RALGAPA2: variants seen among roughly 807,000 people sequenced by gnomAD.
RALGAPA2 encodes the protein Ral GTPase activating protein catalytic subunit alpha 2, also known as ral GTPase-activating protein subunit alpha-2.
In RALGAPA2, 139 loss-of-function variants were observed where a neutral mutation model predicts 230.4. The observed-to-expected ratio is 0.60, with a 90% CI of 0.53 to 0.69. The LOEUF is 0.69. Among genes scored for constraint, RALGAPA2 ranks in the 30% least tolerant of loss-of-function variants. The pLI is 0.00. For missense variants in RALGAPA2, 2,163 were observed against 2,276.0 expected, an observed-to-expected ratio of 0.95 and a Z score of 1.01; for synonymous variants, 847 against 837.8, an observed-to-expected ratio of 1.01 and a Z score of -0.19.
chr20:20,531,845 C>T (rs755443454), intron 26 of RALGAPA2, 50 bp from the exon 27 acceptor site: 2 of 1,338,144 alleles, frequency 1.5e-6, no homozygotes, highest in South Asian at 1.3e-5. Flanking sequence ...ACTTAATATA[C>T]TTTCTCAGTA....
At chr20:20,590,842 T>C (rs1340667691) in intron 17 of RALGAPA2, among the ~76,000 whole-genome samples, 1 of 152,114 alleles carries the variant, frequency 6.6e-6, no homozygotes, top group Non-Finnish European at 1.5e-5. Flanking sequence ...CCTTCCATAA[T>C]ACCTAACTTG....
In RALGAPA2 at chr20:20,422,406, C is replaced by T. The variant is rs538324510; in HGVS notation, c.5496-10258G>A. Among the ~76,000 whole-genome samples the T allele has an allele frequency of 1.0e-3, 157 of 152,214 alleles. 1 individual carries two copies. Among genetic ancestry groups the T allele is most frequent in the Non-Finnish European group, 2.0e-3 (138 of 68,026 alleles). On this transcript the variant is annotated intron_variant, in intron 37 of 39. Coordinates refer to ENST00000202677, the MANE Select transcript of RALGAPA2 (RefSeq NM_020343.4). ...TTGGGGCCAGGAGTTTGAGACTAGC[C>T]TGGGCAACATAGTGAGACCCTGTCT... is the stretch of plus-strand genomic sequence containing the variant.
chr20:20,396,535 G>T (rs1476509469), intron 39 of RALGAPA2, among the ~76,000 whole-genome samples, 160 bp downstream of exon 39: 1 of 152,242 alleles, frequency 6.6e-6, no homozygotes, highest in Non-Finnish European at 1.5e-5. Flanking sequence ...GCGCAGACAT[G>T]CAGGGGCAGG....
Position 20,513,276 on chromosome 20 carries a change from T to A in RALGAPA2, c.4093A>T (p.Arg1365Ter). 1 of 1,460,740 alleles carries A rather than the reference T, an allele frequency of 6.8e-7. No individual in the cohort carries two copies. The highest frequency in any genetic ancestry group is 9.0e-7 in the Non-Finnish European group (1 of 1,106,326). The allele number at this position is 1,460,740 out of a possible 1,614,324, so 90.5% of individuals were successfully genotyped here. The change falls in exon 32 of 40, where the codon AGA becomes TGA. Residue 1365 changes from arginine (R) to a stop codon, truncating the protein, a stop_gained. Coordinates refer to ENST00000202677, the MANE Select transcript of RALGAPA2 (RefSeq NM_020343.4). LOFTEE classifies it high-confidence loss of function. ...NLLTVEEEKK[R>*]RSLELIPLTA... is the part of the protein sequence containing the mutation. ...AAAGGGATCAACTCCAAACTTCTTC[T>A]CTTCTTCTCTGTAAACAGCGGTAAA...
At chr20:20,535,684 ACTTACACATAAATGTGTAT>A in intron 26 of RALGAPA2, 42 bp downstream of exon 26, 1 of 1,516,176 alleles carries the variant, frequency 6.6e-7, no homozygotes, top group Non-Finnish European at 8.8e-7. Context: ...AACATTAACT[ACTTACACATAAATGTGTAT>A]CTTAAAATTC....
intron 36 of RALGAPA2, among the ~76,000 whole-genome samples, chr20:20,475,324 G>A (rs983605568): frequency 6.6e-6 from 1 of 151,900 alleles, no homozygotes; most frequent in Admixed American, 6.6e-5. Flanking sequence ...TAATTTTTTT[G>A]TAAATTAAAC....
At chr20:20,457,325 T>C (rs1461563095) in intron 37 of RALGAPA2, among the ~76,000 whole-genome samples, 1 of 152,224 alleles carries the variant, frequency 6.6e-6, no homozygotes, top group Non-Finnish European at 1.5e-5. Flanking sequence ...TCTTTACAAT[T>C]CACTGTTCTG....
intron 1 of RALGAPA2, among the ~76,000 whole-genome samples, chr20:20,703,736 G>A (rs1190607357): frequency 6.6e-6 from 1 of 152,104 alleles, no homozygotes; most frequent in African/African-American, 2.4e-5. Context: ...CTTTAACTCT[G>A]GAGTCATACC....
intron 11 of RALGAPA2, 95 bp from the exon 12 acceptor site, chr20:20,619,509 G>C: frequency 1.1e-6 from 1 of 942,276 alleles, no homozygotes. Context: ...TATAAACTAA[G>C]TTATATTTAG....
chr20:20,580,957 T>G (rs929504850), intron 20 of RALGAPA2, among the ~76,000 whole-genome samples: 1 of 152,228 alleles, frequency 6.6e-6, no homozygotes, highest in Non-Finnish European at 1.5e-5. Context: ...AGTTTTATTT[T>G]GAACATTTAT....
chr20:20,412,984 A>G (rs1242955789), intron 37 of RALGAPA2, among the ~76,000 whole-genome samples: 1 of 152,224 alleles, frequency 6.6e-6, no homozygotes, highest in Non-Finnish European at 1.5e-5. Flanking sequence ...CAATAACAGG[A>G]TAACGTCAGA....
intron 5 of RALGAPA2, among the ~76,000 whole-genome samples, chr20:20,641,822 C>T (rs1017445298): frequency 6.6e-6 from 1 of 151,928 alleles, no homozygotes; most frequent in Non-Finnish European, 1.5e-5. Flanking sequence ...GCAAGTCAAA[C>T]ACAAAGCTTT....
At chr20:20,458,824 A>C (rs2061221623) in intron 37 of RALGAPA2, among the ~76,000 whole-genome samples, 1 of 3,512 alleles carries the variant, frequency 2.8e-4, no homozygotes, top group South Asian at 0.018. Flanking sequence ...ATATAGACCT[A>C]TATATATATA....
intron 3 of RALGAPA2, among the ~76,000 whole-genome samples, chr20:20,668,405 A>AAAAAG (rs145886240): frequency 1.3e-5 from 2 of 152,184 alleles, no homozygotes; most frequent in African/African-American, 4.8e-5. Context: ...TGTGTCTCAA[A>AAAAAG]AAAAGAAAAG....
At chr20:20,622,017 A>G (rs2066339116) in intron 10 of RALGAPA2, among the ~76,000 whole-genome samples, 2 of 152,254 alleles carry the variant, frequency 1.3e-5, no homozygotes, top group Admixed American at 1.3e-4. Flanking sequence ...TTCATGCAAT[A>G]TATCAATATC....
At chr20:20,442,365 G>T (rs562006572) in intron 37 of RALGAPA2, among the ~76,000 whole-genome samples, 1 of 152,208 alleles carries the variant, frequency 6.6e-6, no homozygotes, top group Non-Finnish European at 1.5e-5. Flanking sequence ...TCTTCACTCC[G>T]CTCTCTGTCG....
chr20:20,534,076 T>C (rs576333268), intron 26 of RALGAPA2, among the ~76,000 whole-genome samples: 17 of 152,046 alleles, frequency 1.1e-4, no homozygotes, highest in African/African-American at 3.9e-4. Context: ...CAAGACTAAT[T>C]AAAAAATCAG....
At chr20:20,527,603 C>A (rs1032362912) in intron 27 of RALGAPA2, among the ~76,000 whole-genome samples, 3 of 151,684 alleles carry the variant, frequency 2.0e-5, no homozygotes, top group East Asian at 3.9e-4. Flanking sequence ...GCCCTCCCCC[C>A]ACACCCCCAA....
intron 37 of RALGAPA2, among the ~76,000 whole-genome samples, chr20:20,433,725 C>G (rs181246258): frequency 6.6e-6 from 1 of 152,180 alleles, no homozygotes; most frequent in Admixed American, 6.5e-5. Context: ...GAGACAAGGT[C>G]AGCTGATAAA....
Sources: gnomAD v4.1 joint callset for allele counts (sites outside exome capture counted in the v4.1 genomes callset) on GRCh38, gnomAD v4.1.1 for gene constraint, MANE v1.5 for transcripts, NCBI Gene and HGNC (gene_info 2026-07-23, HGNC 2026-07-21) for gene names.